The following STIMATE variants were observed in gnomAD, a reference collection of about 807,000 sequenced individuals.
The protein encoded by STIMATE is STIM activating enhancer.
STIMATE carries 15 observed loss-of-function variants against 36.7 expected under a neutral mutation model. The observed-to-expected ratio is 0.41, with a 90% CI of 0.27 to 0.63. The LOEUF (loss-of-function observed/expected upper bound fraction) is 0.63. STIMATE is among the 20% of genes least tolerant of loss of function. STIMATE has a pLI of 0.32. For synonymous variants in STIMATE, 163 were observed against 162.3 expected, an observed-to-expected ratio of 1.00 and a Z score of -0.03; for missense variants, 305 against 397.3, an observed-to-expected ratio of 0.77 and a Z score of 1.98.
At chr3:52,850,265 A>T (rs1398485617) in intron 3 of STIMATE, among the ~76,000 whole-genome samples, 1 of 152,136 alleles carries the variant, frequency 6.6e-6, no homozygotes, top group Non-Finnish European at 1.5e-5. Context: ...ACCTGTCTCT[A>T]CTGAAAATAC....
chr3:52,881,457 C>T (rs771808058), intron 1 of STIMATE, among the ~76,000 whole-genome samples: 5 of 152,114 alleles, frequency 3.3e-5, no homozygotes, highest in Admixed American at 6.5e-5. Context: ...GTAATCCCAG[C>T]ACTTTCGGAG....
intron 2 of STIMATE, among the ~76,000 whole-genome samples, chr3:52,854,313 A>C (rs1195275654): frequency 6.6e-6 from 1 of 151,982 alleles, no homozygotes; most frequent in Non-Finnish European, 1.5e-5. Context: ...GGGGCTAGTC[A>C]CCAAAAGGAC....
At chr3:52,869,403 G>C (rs1213998125) in intron 1 of STIMATE, among the ~76,000 whole-genome samples, 1 of 152,216 alleles carries the variant, frequency 6.6e-6, no homozygotes, top group Non-Finnish European at 1.5e-5. Context: ...TCCCACCTTA[G>C]TGCTGTCACT....
At chr3:52,869,078 C>G (rs1359312370) in intron 1 of STIMATE, among the ~76,000 whole-genome samples, 1 of 152,062 alleles carries the variant, frequency 6.6e-6, no homozygotes, top group African/African-American at 2.4e-5. Context: ...CACATTTCCC[C>G]TGCCATCTTG....
intron 1 of STIMATE, among the ~76,000 whole-genome samples, chr3:52,885,539 G>A (rs912066724): frequency 3.3e-5 from 5 of 152,138 alleles, no homozygotes; most frequent in African/African-American, 7.2e-5. Flanking sequence ...ATGTCTCTCC[G>A]TCCTGGACGT....
At chr3:52,851,473 T>C (rs1354578329) in intron 3 of STIMATE, among the ~76,000 whole-genome samples, 1 of 152,250 alleles carries the variant, frequency 6.6e-6, no homozygotes, top group African/African-American at 2.4e-5. Flanking sequence ...AGCACTCTGA[T>C]GCCAGAGGGC....
intron 1 of STIMATE, among the ~76,000 whole-genome samples, chr3:52,864,688 A>C (rs528864785): frequency 1.3e-5 from 2 of 152,308 alleles, no homozygotes; most frequent in South Asian, 4.1e-4. Context: ...CTTTAACAGC[A>C]CCCAAGTCAC....
At chr3:52,849,998 G>GGA in intron 3 of STIMATE, 85 bp from the exon 4 acceptor site, 1 of 1,506,502 alleles carries the variant, frequency 6.6e-7, no homozygotes, top group Non-Finnish European at 8.9e-7. Context: ...TGAGGGAAGC[G>GGA]GATGGACCCA....
At position 52,897,346 on chromosome 3, in the gene STIMATE, G is replaced by A; in HGVS notation, c.105C>T (p.Ser35=). 6.5e-7 allele frequency: 1 copy of A among 1,544,456 alleles called. No individual in the cohort carries two copies. Among genetic ancestry groups the A allele is most frequent in the Non-Finnish European group, 8.7e-7 (1 of 1,152,754 alleles). The change falls in exon 1 of 8, where the codon AGC becomes AGT. Residue 35 remains serine (S), a synonymous_variant. Transcript: ENST00000355083. ...GCAGCCCCTGCAGGAAGATGCCGAA[G>A]CTGTGCATGAGCGCGCCGCTCTCGC... ...GRCESGALMH[S]FGIFLQGLLG...
At chr3:52,887,994 G>GTTTTTTTT (rs71087029) in intron 1 of STIMATE, among the ~76,000 whole-genome samples, 8,249 of 52,374 alleles carry the variant, frequency 0.16, 2,919 homozygotes, top group Non-Finnish European at 0.19. Flanking sequence ...AACAGAATCA[G>GTTTTTTTT]TTTTTTTTTT....
chr3:52,869,361 T>C (rs1701364394), intron 1 of STIMATE, among the ~76,000 whole-genome samples: 1 of 152,188 alleles, frequency 6.6e-6, no homozygotes, highest in Non-Finnish European at 1.5e-5. Flanking sequence ...GCTTTGTAAG[T>C]TGGCAAAAAA....
intron 6 of STIMATE, 191 bp from the exon 7 acceptor site, chr3:52,843,151 G>T: frequency 8.9e-7 from 1 of 1,128,704 alleles, no homozygotes. Context: ...CTCGGGTTCA[G>T]TTTTCTGATC....
intron 1 of STIMATE, among the ~76,000 whole-genome samples, chr3:52,893,208 G>A (rs190470642): frequency 1.2e-4 from 18 of 152,244 alleles, no homozygotes; most frequent in Middle Eastern, 3.4e-3. Context: ...ATGTGACTAT[G>A]GACTGGATAT....
chr3:52,894,158 A>G lies in STIMATE; in HGVS notation c.160+3133T>C, dbSNP rs1194231820. 2.0e-5 allele frequency among the ~76,000 whole-genome samples: 3 copies of G among 152,238 alleles called. 1 individual carries two copies. In the East Asian group the frequency reaches 5.8e-4, roughly 29 times the overall value. The stretch of plus-strand genomic sequence containing the variant: ...TTAAAGCGTTTCTTTCTATGCAGAT[A>G]CCTAGCAGACACTTCAGAAAACTCT... On this transcript the variant is annotated intron_variant, in intron 1 of 7. Coordinates refer to ENST00000355083, the MANE Select transcript of STIMATE (RefSeq NM_198563.5).
At position 52,897,522 on chromosome 3, in the gene STIMATE, C is replaced by T. The variant is rs1035895776; in HGVS notation, c.-72G>A. On this transcript the variant is annotated 5_prime_UTR_variant, in exon 1 of 8. Transcript: ENST00000355083. ...TCGCTGCCTGCCGGCGCAGCGCCGC[C>T]AAACCCGCAGCCGGGATCCCAAGCC... 5 of 1,186,094 alleles carry T rather than the reference C, an allele frequency of 4.2e-6. No homozygotes were observed. In the Admixed American group the frequency reaches 1.4e-4, roughly 32 times the overall value. 73.5% of individuals were successfully genotyped at this position (1,186,094 alleles called of 1,614,324 possible).
intron 1 of STIMATE, among the ~76,000 whole-genome samples, chr3:52,873,356 G>A (rs4687680): frequency 0.37 from 55,539 of 152,144 alleles, 10,515 homozygotes; most frequent in Admixed American, 0.5. Context: ...CAATTTTGAA[G>A]ATGCAAATTA....
intron 4 of STIMATE, among the ~76,000 whole-genome samples, 160 bp downstream of exon 4, chr3:52,849,632 G>T (rs376149096): frequency 3.7e-5 from 1 of 27,292 alleles, no homozygotes; most frequent in Non-Finnish European, 5.3e-3. Context: ...CCCACAGGAG[G>T]GTGTGCTCAA....
intron 1 of STIMATE, among the ~76,000 whole-genome samples, chr3:52,871,919 T>TC (rs1465430218): frequency 1.3e-5 from 2 of 152,134 alleles, no homozygotes; most frequent in African/African-American, 4.8e-5. Flanking sequence ...TGACTTAGGC[T>TC]CCACATATTC....
rs544794943 is a variant in STIMATE, at chr3:52,882,305, C to G, written c.160+14986G>C. 2.0e-5 allele frequency among the ~76,000 whole-genome samples: 3 copies of G among 152,344 alleles called. No homozygotes were observed. In the East Asian group the frequency reaches 5.8e-4, roughly 29 times the overall value. On this transcript the variant is annotated intron_variant, in intron 1 of 7. Coordinates refer to ENST00000355083, the MANE Select transcript of STIMATE (RefSeq NM_198563.5). ...TGGAAGCTGCAGTCTTCATAATAAC[C>G]TGATCTCGGAAGCCATGTGGCTTCA...
Sources: gnomAD v4.1 joint callset for allele counts (sites outside exome capture counted in the v4.1 genomes callset) on GRCh38, gnomAD v4.1.1 for gene constraint, MANE v1.5 for transcripts, NCBI Gene and HGNC (gene_info 2026-07-23, HGNC 2026-07-21) for gene names.